The following AFG2A variants were observed in gnomAD, a reference collection of about 807,000 sequenced individuals.
AFG2A encodes the protein ATPase family gene 2 protein homolog A.
the AFG2A span, among the ~76,000 whole-genome samples, chr4:123,082,692 A>G: frequency 2.0e-5 from 3 of 152,102 alleles, no homozygotes; most frequent in Non-Finnish European, 4.4e-5. Context: ...GGGTTTGTCA[A>G]TATTCATAGA....
the AFG2A span, among the ~76,000 whole-genome samples, chr4:122,985,377 C>T: frequency 2.0e-5 from 3 of 152,126 alleles, no homozygotes; most frequent in African/African-American, 7.2e-5. Flanking sequence ...GATCCACCGG[C>T]CTCGGCCTCT....
At chr4:122,957,660 G>A in the AFG2A span, among the ~76,000 whole-genome samples, 1 of 152,118 alleles carries the variant, frequency 6.6e-6, no homozygotes, top group Non-Finnish European at 1.5e-5. Context: ...GCAGTTATTA[G>A]GGAATAATTT....
chr4:122,925,696 C>T, the AFG2A span, among the ~76,000 whole-genome samples: 1 of 152,186 alleles, frequency 6.6e-6, no homozygotes, highest in Non-Finnish European at 1.5e-5. Flanking sequence ...GGTCAGATCC[C>T]ACATGGCTCT....
At chr4:123,085,561 A>G in the AFG2A span, among the ~76,000 whole-genome samples, 35 of 151,662 alleles carry the variant, frequency 2.3e-4, no homozygotes, top group East Asian at 6.4e-3. Flanking sequence ...GTCTCTCTTC[A>G]TTTTTTTTAC....
At chr4:123,167,200 T>G in the AFG2A span, among the ~76,000 whole-genome samples, 3 of 148,448 alleles carry the variant, frequency 2.0e-5, no homozygotes, top group African/African-American at 7.3e-5. Context: ...TATTTATATA[T>G]TATATATATT....
chr4:123,138,626 TG>T, the AFG2A span, among the ~76,000 whole-genome samples: 1 of 152,188 alleles, frequency 6.6e-6, no homozygotes. Context: ...AAAATACTAC[TG>T]CAAGTTGTGT....
At chr4:123,291,272 C>A in the AFG2A span, among the ~76,000 whole-genome samples, 1,902 of 152,180 alleles carry the variant, frequency 0.012, 45 homozygotes, top group African/African-American at 0.044. Context: ...TTCCACCAGT[C>A]AGTATCTTTT....
chr4:123,061,950 C>A, the AFG2A span, among the ~76,000 whole-genome samples: 2 of 152,130 alleles, frequency 1.3e-5, no homozygotes. Flanking sequence ...AAATATGAAC[C>A]AGATGGGAGG....
the AFG2A span, among the ~76,000 whole-genome samples, chr4:122,975,598 G>A: frequency 1.1e-4 from 17 of 152,122 alleles, no homozygotes; most frequent in South Asian, 2.1e-4. Context: ...CAGTTTTCAC[G>A]GAGTGATACA....
the AFG2A span, among the ~76,000 whole-genome samples, chr4:122,972,868 A>G: frequency 3.9e-5 from 6 of 152,090 alleles, no homozygotes; most frequent in African/African-American, 1.4e-4. Flanking sequence ...TATTCCAGGT[A>G]TGCTGGAAAA....
chr4:123,012,779 G>A, the AFG2A span, among the ~76,000 whole-genome samples: 1 of 152,164 alleles, frequency 6.6e-6, no homozygotes, highest in Non-Finnish European at 1.5e-5. Context: ...AGAGGTTGGA[G>A]AAGAGAGTAA....
the AFG2A span, among the ~76,000 whole-genome samples, chr4:123,034,571 G>GAAAAAAA: frequency 7.4e-6 from 1 of 135,136 alleles, no homozygotes; most frequent in Non-Finnish European, 1.5e-5. Flanking sequence ...ATGCTGGAAT[G>GAAAAAAA]AAAAAAAAAA....
At chr4:123,091,337 A>G in the AFG2A span, among the ~76,000 whole-genome samples, 1 of 152,190 alleles carries the variant, frequency 6.6e-6, no homozygotes, top group African/African-American at 2.4e-5. Context: ...GAAAGCTTTT[A>G]TTTACATTTT....
chr4:123,266,388 T>C, the AFG2A span, among the ~76,000 whole-genome samples: 1 of 151,964 alleles, frequency 6.6e-6, no homozygotes, highest in Admixed American at 6.6e-5. Context: ...CTAGTAAGCA[T>C]ATAACAAGTG....
chr4:123,014,895 G>A, the AFG2A span, among the ~76,000 whole-genome samples: 1 of 152,086 alleles, frequency 6.6e-6, no homozygotes, highest in African/African-American at 2.4e-5. Context: ...CCCAGTTTTG[G>A]TGTATAGTTT....
the AFG2A span, among the ~76,000 whole-genome samples, chr4:123,303,249 T>G: frequency 6.6e-6 from 1 of 152,192 alleles, no homozygotes; most frequent in Non-Finnish European, 1.5e-5. Flanking sequence ...ATAATCAATT[T>G]TATAAATTTT....
At chr4:123,018,996 T>A in the AFG2A span, among the ~76,000 whole-genome samples, 1 of 152,044 alleles carries the variant, frequency 6.6e-6, no homozygotes, top group Non-Finnish European at 1.5e-5. Context: ...CAAAAAAAAA[T>A]GAAGATAATT....
At chr4:123,155,015 G>T in the AFG2A span, among the ~76,000 whole-genome samples, 2 of 151,294 alleles carry the variant, frequency 1.3e-5, no homozygotes, top group Non-Finnish European at 2.9e-5. Flanking sequence ...CCTCCTTATT[G>T]TTCTCTTGAT....
the AFG2A span, among the ~76,000 whole-genome samples, chr4:123,115,585 C>T: frequency 2.6e-5 from 4 of 152,116 alleles, no homozygotes; most frequent in African/African-American, 9.7e-5. Flanking sequence ...CGTGCTCTTC[C>T]CCCGCCTGCA....
Sources: allele counts gnomAD v4.1 joint callset (sites outside exome capture counted in the v4.1 genomes callset), GRCh38; gene constraint gnomAD v4.1.1; transcripts MANE v1.5; gene names NCBI Gene and HGNC (gene_info 2026-07-23, HGNC 2026-07-21).